Variants in CALN1 observed in about 807,000 individuals in gnomAD.
CALN1 encodes the protein calcium-binding protein 8.
In CALN1, 17 loss-of-function variants were observed where a neutral mutation model predicts 30.6. That is an observed-to-expected ratio of 0.56 (90% CI 0.38 to 0.83). The LOEUF (loss-of-function observed/expected upper bound fraction) is 0.83. CALN1 is among the 40% of genes least tolerant of loss of function. The probability of loss-of-function intolerance (pLI) is 0.00; values close to 1 mark genes in which losing one functional copy is unlikely to be tolerated. For synonymous variants in CALN1, 156 were observed against 131.4 expected (o/e 1.19, Z -1.28); for missense variants, 291 against 354.9 (o/e 0.82, Z 1.45).
chr7:72,118,516 C>T (rs1308801125), intron 3 of CALN1, among the ~76,000 whole-genome samples: 2 of 152,196 alleles, frequency 1.3e-5, no homozygotes, highest in Admixed American at 1.3e-4. Flanking sequence ...AAACGTTACA[C>T]CTGGACAGAT....
In CALN1 at chr7:72,403,241, G is replaced by T. The variant is rs541388362; in HGVS notation, c.119+10C>A. 1 of 1,546,022 alleles carries T rather than the reference G, an allele frequency of 6.5e-7. No individual in the cohort carries two copies. Among genetic ancestry groups the T allele is most frequent in the South Asian group, 1.2e-5 (1 of 83,922 alleles). On this transcript the variant is annotated intron_variant, in intron 2 of 6. Coordinates refer to ENST00000395275, the MANE Select transcript of CALN1 (RefSeq NM_031468.4). Reference sequence around the variant, plus strand: ...ATCTAGGTCCTTGGGTTTGGGGGAAGAAGACTTGCCAGGTGGGGAAGTCGG... The same window carrying T: ...ATCTAGGTCCTTGGGTTTGGGGGAATAAGACTTGCCAGGTGGGGAAGTCGG...
intron 3 of CALN1, among the ~76,000 whole-genome samples, chr7:72,264,161 C>T (rs971590760): frequency 1.3e-5 from 2 of 152,178 alleles, no homozygotes; most frequent in African/African-American, 4.8e-5. Context: ...CCTAAGCAAG[C>T]CCATTTTAGC....
chr7:72,294,208 C>A (rs1161189054), intron 2 of CALN1, among the ~76,000 whole-genome samples: 2 of 152,056 alleles, frequency 1.3e-5, no homozygotes, highest in Non-Finnish European at 2.9e-5. Flanking sequence ...GAATGGGTCA[C>A]TTAAATTAAA....
intron 5 of CALN1, among the ~76,000 whole-genome samples, chr7:72,011,465 C>A (rs939166086): frequency 1.3e-5 from 2 of 152,170 alleles, no homozygotes; most frequent in African/African-American, 4.8e-5. Flanking sequence ...GACACCATCC[C>A]TGAAGCACAG....
chr7:71,994,511 CAAAA>C (rs367725464), intron 5 of CALN1, among the ~76,000 whole-genome samples: 4 of 44,056 alleles, frequency 9.1e-5, no homozygotes, highest in Admixed American at 2.3e-4. Context: ...GACTTCATCT[CAAAA>C]AAAAAAAAAA....
At chr7:71,810,281 T>A in intron 6 of CALN1, 55 bp downstream of exon 6, 3 of 1,563,524 alleles carry the variant, frequency 1.9e-6, no homozygotes, top group Non-Finnish European at 2.6e-6. Flanking sequence ...ATATAGAGAG[T>A]GTGGTGCATT....
intron 3 of CALN1, among the ~76,000 whole-genome samples, chr7:72,149,334 G>A (rs548784075): frequency 1.3e-5 from 2 of 152,144 alleles, no homozygotes; most frequent in East Asian, 1.9e-4. Flanking sequence ...TGGGCGTGGT[G>A]GCAGTCGCCT....
At chr7:72,411,324 T>C (rs547937813) in intron 1 of CALN1, among the ~76,000 whole-genome samples, 1 of 152,100 alleles carries the variant, frequency 6.6e-6, no homozygotes, top group Non-Finnish European at 1.5e-5. Context: ...ACGTGAGACC[T>C]AAGTCTCAGG....
chr7:72,328,358 T>C (rs1354952539), intron 2 of CALN1, among the ~76,000 whole-genome samples: 2 of 152,146 alleles, frequency 1.3e-5, no homozygotes, highest in African/African-American at 4.8e-5. Context: ...TTTCATGGTT[T>C]TACAAATGGG....
intron 3 of CALN1, among the ~76,000 whole-genome samples, chr7:72,206,167 T>C (rs748011607): frequency 3.3e-5 from 5 of 152,242 alleles, no homozygotes; most frequent in Non-Finnish European, 5.9e-5. Context: ...CAGACGAATT[T>C]TAGAAACATT....
chr7:72,268,793 C>CCACACACACACACACA (rs3032247), intron 3 of CALN1, among the ~76,000 whole-genome samples: 115 of 145,894 alleles, frequency 7.9e-4, no homozygotes, highest in African/African-American at 2.4e-3. Context: ...CAAGACCCTG[C>CCACACACACACACACA]CACACACACA....
intron 5 of CALN1, among the ~76,000 whole-genome samples, chr7:71,998,431 G>A (rs1414931163): frequency 6.6e-6 from 1 of 152,088 alleles, no homozygotes; most frequent in African/African-American, 2.4e-5. Context: ...TTGTACTCAA[G>A]ACAATGATAT....
intron 1 of CALN1, among the ~76,000 whole-genome samples, chr7:72,405,642 G>A (rs957811785): frequency 4.0e-5 from 6 of 151,896 alleles, no homozygotes; most frequent in African/African-American, 9.7e-5. Flanking sequence ...GGCACATGCC[G>A]AAACTCTTGG....
intron 4 of CALN1, among the ~76,000 whole-genome samples, chr7:72,048,156 C>A (rs1035407697): frequency 1.8e-4 from 28 of 151,662 alleles, no homozygotes; most frequent in Admixed American, 6.6e-5. Flanking sequence ...TCCCCTGCCT[C>A]AACCTCCCAA....
intron 3 of CALN1, among the ~76,000 whole-genome samples, chr7:72,157,633 AGGAGGAAGGAGAAGTGGAAAT>A (rs1335747368): frequency 1.3e-5 from 2 of 152,208 alleles, no homozygotes; most frequent in African/African-American, 4.8e-5. Context: ...ACTGGAGGAG[AGGAGGAAGGAGAAGTGGAAAT>A]GGAGGGACAG....
chr7:71,977,324 A>T (rs1231782972), intron 5 of CALN1, among the ~76,000 whole-genome samples: 4 of 152,156 alleles, frequency 2.6e-5, no homozygotes, highest in Non-Finnish European at 5.9e-5. Flanking sequence ...AGTCCCAGGA[A>T]CTTGGGAGGC....
At chr7:72,391,827 C>CT (rs1349908728) in intron 2 of CALN1, among the ~76,000 whole-genome samples, 1 of 152,158 alleles carries the variant, frequency 6.6e-6, no homozygotes, top group Non-Finnish European at 1.5e-5. Context: ...CATGAACCCT[C>CT]TTTTGCTGTA....
chr7:72,042,857 C>T (rs1271500693), intron 4 of CALN1, among the ~76,000 whole-genome samples: 2 of 152,122 alleles, frequency 1.3e-5, no homozygotes, highest in Admixed American at 1.3e-4. Flanking sequence ...GGTGGGACCC[C>T]TCCAAAACTC....
chr7:71,838,562 G>A (rs1298909022), intron 5 of CALN1, among the ~76,000 whole-genome samples: 2 of 152,140 alleles, frequency 1.3e-5, no homozygotes, highest in African/African-American at 4.8e-5. Context: ...GAGTAGCTGG[G>A]GCTACAGGCA....
Sources: gnomAD v4.1 joint callset for allele counts (sites outside exome capture counted in the v4.1 genomes callset) on GRCh38, gnomAD v4.1.1 for gene constraint, MANE v1.5 for transcripts, NCBI Gene and HGNC (gene_info 2026-07-23, HGNC 2026-07-21) for gene names.